Variants in TRAF3 observed in about 807,000 individuals in gnomAD.
TRAF3 encodes TNF receptor-associated factor 3.
Under a neutral mutation model 62.3 loss-of-function variants are expected in TRAF3, and 13 were observed. The observed-to-expected ratio is 0.21, with a 90% CI of 0.14 to 0.33. The LOEUF is 0.33. TRAF3 is among the 10% of genes least tolerant of loss of function. The pLI is 1.00. For missense variants in TRAF3, 440 were observed against 741.8 expected (o/e 0.59, Z 4.73); for synonymous variants, 269 against 283.4 (o/e 0.95, Z 0.51).
intron 1 of TRAF3, among the ~76,000 whole-genome samples, chr14:102,800,974 C>T (rs368787815): frequency 6.7e-6 from 1 of 148,830 alleles, no homozygotes; most frequent in African/African-American, 2.4e-5. Context: ...GTCAGGAGAT[C>T]GAGACCACGG....
intron 2 of TRAF3, among the ~76,000 whole-genome samples, chr14:102,860,819 C>G (rs796667690): frequency 1.3e-4 from 20 of 152,344 alleles, no homozygotes; most frequent in African/African-American, 3.4e-4. Flanking sequence ...AAATTTTGAG[C>G]TTGCAAAGGC....
At chr14:102,827,252 G>A (rs137922880) in intron 1 of TRAF3, among the ~76,000 whole-genome samples, 49 of 152,340 alleles carry the variant, frequency 3.2e-4, no homozygotes, top group African/African-American at 9.6e-4. Flanking sequence ...ACGCATGATG[G>A]TGTGTTTTCC....
At chr14:102,812,587 C>A (rs931807115) in intron 1 of TRAF3, among the ~76,000 whole-genome samples, 1 of 152,166 alleles carries the variant, frequency 6.6e-6, no homozygotes, top group African/African-American at 2.4e-5. Context: ...TCCATAGTGG[C>A]TGTACTAGTT....
chr14:102,816,510 A>T (rs1899532564), intron 1 of TRAF3, among the ~76,000 whole-genome samples: 1 of 152,238 alleles, frequency 6.6e-6, no homozygotes, highest in African/African-American at 2.4e-5. Context: ...ACATGTTGAA[A>T]TGATAAAGTT....
chr14:102,904,322 T>C (rs1249433010), intron 11 of TRAF3, among the ~76,000 whole-genome samples: 4 of 152,174 alleles, frequency 2.6e-5, no homozygotes, highest in Admixed American at 1.3e-4. Context: ...TCAGGACATC[T>C]TCTACACAGT....
chr14:102,846,993 T>C (rs1186677859), intron 2 of TRAF3, among the ~76,000 whole-genome samples: 2 of 152,164 alleles, frequency 1.3e-5, no homozygotes, highest in Non-Finnish European at 2.9e-5. Context: ...ACATATGTTT[T>C]CTATGCTTTT....
intron 2 of TRAF3, among the ~76,000 whole-genome samples, chr14:102,855,873 C>G (rs941232994): frequency 2.6e-5 from 4 of 151,590 alleles, no homozygotes; most frequent in African/African-American, 9.7e-5. Flanking sequence ...GGGAGGATCA[C>G]TTGAGCCCAG....
chr14:102,869,909 C>T (rs945457490), intron 2 of TRAF3, among the ~76,000 whole-genome samples: 4 of 151,956 alleles, frequency 2.6e-5, no homozygotes, highest in African/African-American at 9.7e-5. Context: ...CTCCTGGGCT[C>T]AGCAATCTTT....
At chr14:102,891,288 G>A (rs763539329) in intron 8 of TRAF3, 37 bp from the exon 9 acceptor site, 6 of 1,595,224 alleles carry the variant, frequency 3.8e-6, no homozygotes, top group African/African-American at 1.3e-5. Context: ...GAAATGCAGC[G>A]AGGTTCGCTG....
chr14:102,811,616 CAT>C (rs1316783523), intron 1 of TRAF3, among the ~76,000 whole-genome samples: 1 of 131,964 alleles, frequency 7.6e-6, no homozygotes, highest in Non-Finnish European at 1.5e-5. Flanking sequence ...TCTCTTGTCT[CAT>C]AGTGCAAAGG....
At chr14:102,899,316 A>G (rs951620338) in intron 10 of TRAF3, among the ~76,000 whole-genome samples, 1 of 152,090 alleles carries the variant, frequency 6.6e-6, no homozygotes, top group Admixed American at 6.6e-5. Flanking sequence ...TGGGAGCTGC[A>G]CGGGGCCAGG....
At chr14:102,898,739 C>A (rs1024898534) in intron 10 of TRAF3, among the ~76,000 whole-genome samples, 4 of 152,260 alleles carry the variant, frequency 2.6e-5, no homozygotes, top group Non-Finnish European at 5.9e-5. Context: ...CTGCATTCAT[C>A]TTCAGTTTCT....
intron 6 of TRAF3, among the ~76,000 whole-genome samples, chr14:102,885,104 C>T (rs928252468): frequency 3.9e-5 from 6 of 152,158 alleles, no homozygotes; most frequent in Admixed American, 6.5e-5. Flanking sequence ...CCTATTCTGC[C>T]GCAAAACCAC....
chr14:102,812,109 G>A (rs71417829), intron 1 of TRAF3, among the ~76,000 whole-genome samples: 3 of 151,642 alleles, frequency 2.0e-5, no homozygotes, highest in Non-Finnish European at 2.9e-5. Flanking sequence ...CAGTGCTATA[G>A]AACACTAGAC....
At chr14:102,789,111 T>G (rs1273245145) in intron 1 of TRAF3, among the ~76,000 whole-genome samples, 1 of 152,232 alleles carries the variant, frequency 6.6e-6, no homozygotes, top group Non-Finnish European at 1.5e-5. Context: ...CATCTAGGAA[T>G]CATATAACTT....
At chr14:102,830,160 G>A (rs987560476) in intron 1 of TRAF3, among the ~76,000 whole-genome samples, 174 bp from the exon 2 acceptor site, 1 of 152,136 alleles carries the variant, frequency 6.6e-6, no homozygotes, top group Non-Finnish European at 1.5e-5. Context: ...CTGGGAGAAT[G>A]TTTTCATGCT....
intron 6 of TRAF3, among the ~76,000 whole-genome samples, chr14:102,885,028 T>C (rs1314370314): frequency 1.3e-5 from 2 of 152,156 alleles, no homozygotes; most frequent in African/African-American, 4.8e-5. Context: ...AGTGGCCTTC[T>C]CTTCCCTGGC....
intron 2 of TRAF3, among the ~76,000 whole-genome samples, chr14:102,837,435 G>A (rs868533836): frequency 7.2e-5 from 11 of 152,044 alleles, no homozygotes; most frequent in Admixed American, 2.6e-4. Context: ...GTGAGCCACC[G>A]TGCCTGGCCT....
At chr14:102,880,904 C>A (rs1312474519) in intron 6 of TRAF3, among the ~76,000 whole-genome samples, 1 of 152,050 alleles carries the variant, frequency 6.6e-6, no homozygotes, top group African/African-American at 2.4e-5. Context: ...ATGGAGAAAC[C>A]CCATCTCTAT....
Sources: gnomAD v4.1 joint callset for allele counts (sites outside exome capture counted in the v4.1 genomes callset) on GRCh38, gnomAD v4.1.1 for gene constraint, MANE v1.5 for transcripts, NCBI Gene and HGNC (gene_info 2026-07-23, HGNC 2026-07-21) for gene names.